IKZF2: variants seen among roughly 807,000 people sequenced by gnomAD.
IKZF2 encodes IKAROS family zinc finger 2.
Under a neutral mutation model 49.2 loss-of-function variants are expected in IKZF2, and 15 were observed. That is an observed-to-expected ratio of 0.30 (90% CI 0.20 to 0.47). The LOEUF is 0.47. Ranked by LOEUF, IKZF2 falls within the 20% of genes least tolerant of loss-of-function variation. The pLI, the probability that IKZF2 is intolerant of heterozygous loss-of-function variation, is 1.00. For missense variants in IKZF2, 567 were observed against 664.6 expected, an observed-to-expected ratio of 0.85 and a Z score of 1.61; for synonymous variants, 227 against 221.4, an observed-to-expected ratio of 1.03 and a Z score of -0.23.
chr2:213,150,294 C>T, intron 1 of IKZF2, 47 bp from the exon 2 acceptor site: 2 of 722,228 alleles, frequency 2.8e-6, no homozygotes, highest in South Asian at 2.9e-5. Flanking sequence ...TGTGTTTCCC[C>T]CTTCTCTCTT....
At chr2:213,043,220 C>T in intron 6 of IKZF2, among the ~76,000 whole-genome samples, 1 of 151,718 alleles carries the variant, frequency 6.6e-6, no homozygotes, top group Non-Finnish European at 1.5e-5. Context: ...CTAGTATTTA[C>T]TTAATACATA....
intron 4 of IKZF2, among the ~76,000 whole-genome samples, chr2:213,101,392 C>A (rs1706638583): frequency 6.6e-6 from 1 of 151,994 alleles, no homozygotes; most frequent in African/African-American, 2.4e-5. Flanking sequence ...AGTACCTTTA[C>A]CTATGGTTAT....
At chr2:213,062,083 TGATA>T (rs1701748456) in intron 4 of IKZF2, among the ~76,000 whole-genome samples, 4 of 151,590 alleles carry the variant, frequency 2.6e-5, no homozygotes, top group African/African-American at 9.7e-5. Flanking sequence ...TTTATATGCA[TGATA>T]AATATATTAA....
intron 5 of IKZF2, among the ~76,000 whole-genome samples, chr2:213,053,133 A>G (rs1007790106): frequency 2.6e-5 from 4 of 152,258 alleles, no homozygotes; most frequent in East Asian, 1.9e-4. Flanking sequence ...TTAATGGAGC[A>G]ATCCAAGCTG....
chr2:213,048,913 T>A (rs1202008087), intron 6 of IKZF2, among the ~76,000 whole-genome samples: 1 of 152,060 alleles, frequency 6.6e-6, no homozygotes, highest in African/African-American at 2.4e-5. Flanking sequence ...TAGTATGTCA[T>A]TATGAACAGA....
intron 2 of IKZF2, among the ~76,000 whole-genome samples, chr2:213,149,520 T>C (rs1305732410): frequency 1.3e-5 from 2 of 152,204 alleles, no homozygotes; most frequent in East Asian, 3.8e-4. Context: ...AGTTTAAGAA[T>C]TGACAAGTCC....
chr2:213,102,988 A>C (rs2125712866), intron 4 of IKZF2, among the ~76,000 whole-genome samples: 1 of 152,296 alleles, frequency 6.6e-6, no homozygotes, highest in South Asian at 2.1e-4. Context: ...CAAGGAAATA[A>C]CTGGAGGATC....
intron 4 of IKZF2, among the ~76,000 whole-genome samples, chr2:213,065,970 G>T (rs1702125197): frequency 6.6e-6 from 1 of 152,104 alleles, no homozygotes; most frequent in Non-Finnish European, 1.5e-5. Flanking sequence ...GAGTAAGCCT[G>T]TTTTGGAAGA....
intron 7 of IKZF2, chr2:213,015,364 C>T (rs1233919359): frequency 1.3e-5 from 2 of 151,952 alleles, no homozygotes; most frequent in African/African-American, 4.8e-5. Flanking sequence ...CAAGGTGAGA[C>T]TGAGGAACAA....
At chr2:213,021,866 C>T in intron 7 of IKZF2, 127 bp downstream of exon 7, 1 of 975,980 alleles carries the variant, frequency 1.0e-6, no homozygotes, top group Non-Finnish European at 1.5e-6. Flanking sequence ...TGCAATGTAT[C>T]CCAAAGCTCA....
chr2:213,117,587 T>C (rs1326901545), intron 4 of IKZF2, among the ~76,000 whole-genome samples: 3 of 152,330 alleles, frequency 2.0e-5, no homozygotes, highest in African/African-American at 4.8e-5. Context: ...CTCTAACAAT[T>C]ACTCTAGGTC....
At chr2:213,127,748 C>A (rs1182748743) in intron 4 of IKZF2, among the ~76,000 whole-genome samples, 2 of 152,166 alleles carry the variant, frequency 1.3e-5, no homozygotes, top group East Asian at 3.8e-4. Context: ...TAAGTCCTAT[C>A]TATCATCAGA....
chr2:213,043,377 A>G (rs1699852167), intron 6 of IKZF2, among the ~76,000 whole-genome samples: 1 of 152,230 alleles, frequency 6.6e-6, no homozygotes, highest in Non-Finnish European at 1.5e-5. Flanking sequence ...AGTCTACAAT[A>G]TAGGAAGCAG....
rs944967073 is a variant in IKZF2, at chr2:213,002,620, A to T, written c.*4740T>A. On this transcript the variant is annotated 3_prime_UTR_variant, in exon 9 of 9. Coordinates refer to ENST00000434687, the MANE Select transcript of IKZF2 (RefSeq NM_001387220.1). ...CCATTGCAAGTAATACACAACCATG[A>T]TATGAAACCATTTGAGATTATGCTT... is the stretch of plus-strand genomic sequence containing the variant. The T allele has an allele frequency of 6.6e-6, 1 of 151,938 alleles. No homozygotes were observed. The highest frequency in any genetic ancestry group is 2.4e-5 in the African/African-American group (1 of 41,392). The allele number at this position is 151,938 out of a possible 1,614,324, so 9.4% of individuals were successfully genotyped here. A position where few individuals can be genotyped will look rare whatever the true frequency, so the allele number is the denominator to read the frequency against.
At chr2:213,061,135 T>C (rs1034925919) in intron 4 of IKZF2, among the ~76,000 whole-genome samples, 6 of 151,576 alleles carry the variant, frequency 4.0e-5, no homozygotes, top group African/African-American at 1.2e-4. Context: ...CTTGCACAGA[T>C]ACTCTTTTTT....
intron 8 of IKZF2, among the ~76,000 whole-genome samples, chr2:213,013,216 T>G (rs1166345646): frequency 2.0e-5 from 3 of 151,936 alleles, no homozygotes; most frequent in East Asian, 1.9e-4. Context: ...TGCAGAATTT[T>G]GAAAAAAAGA....
chr2:213,125,604 T>C (rs2060233242), intron 4 of IKZF2, among the ~76,000 whole-genome samples: 1 of 152,208 alleles, frequency 6.6e-6, no homozygotes, highest in Non-Finnish European at 1.5e-5. Flanking sequence ...AAAATATTCA[T>C]TGCACAGACT....
At position 213,052,507 on chromosome 2, in the gene IKZF2, C is replaced by A. The variant is rs1040864635; in HGVS notation, c.407-2627G>T. Among the ~76,000 whole-genome samples the A allele has an allele frequency of 4.6e-5, 7 of 152,030 alleles. No individual in the cohort carries two copies. The East Asian group carries it at 1.4e-3, about 29-fold the overall frequency. On this transcript the variant is annotated intron_variant, in intron 5 of 8. Coordinates refer to ENST00000434687, the MANE Select transcript of IKZF2 (RefSeq NM_001387220.1). ...TTTATGGCTTTCCTCATTTTATTTGCCTAACTCCTGTTGATGTCTTGATTA... is the reference window on the plus strand; with the variant it reads ...TTTATGGCTTTCCTCATTTTATTTGACTAACTCCTGTTGATGTCTTGATTA...
intron 4 of IKZF2, among the ~76,000 whole-genome samples, chr2:213,124,523 C>T (rs968449327): frequency 2.6e-5 from 4 of 152,070 alleles, no homozygotes; most frequent in Non-Finnish European, 5.9e-5. Context: ...ATCCCGTTCC[C>T]GGGACAGACC....
Sources: gnomAD v4.1 joint callset for allele counts (sites outside exome capture counted in the v4.1 genomes callset) on GRCh38, gnomAD v4.1.1 for gene constraint, MANE v1.5 for transcripts, NCBI Gene and HGNC (gene_info 2026-07-23, HGNC 2026-07-21) for gene names.